The following TTN variants were observed in gnomAD, a reference collection of about 807,000 sequenced individuals.
The protein encoded by TTN is connectin.
TTN carries 1,525 observed loss-of-function variants against 3,223.0 expected under a neutral mutation model. That is an observed-to-expected ratio of 0.47 (90% CI 0.45 to 0.49). The LOEUF (loss-of-function observed/expected upper bound fraction) is 0.49. Among genes scored for constraint, TTN ranks in the 20% least tolerant of loss-of-function variants. TTN has a pLI of 0.00. For synonymous variants in TTN, 14,094 were observed against 15,161.0 expected, an observed-to-expected ratio of 0.93 and a Z score of 5.17; for missense variants, 40,786 against 43,424.0, an observed-to-expected ratio of 0.94 and a Z score of 5.40.
At chr2:178,675,495 C>T (rs961558235) in intron 149 of TTN, among the ~76,000 whole-genome samples, 176 bp downstream of exon 149, 1 of 151,686 alleles carries the variant, frequency 6.6e-6, no homozygotes, top group African/African-American at 2.4e-5. Context: ...ATGTAAAGCA[C>T]ACCAACACCA....
chr2:178,541,039 C>T, intron 350 of TTN: 1 of 344,808 alleles, frequency 2.9e-6, no homozygotes, highest in Non-Finnish European at 5.2e-6. Flanking sequence ...AAATTGACTC[C>T]AGAGAAGAAT....
Position 178,713,963 on chromosome 2 carries a change from C to A in TTN, c.26695G>T (p.Val8899Leu), listed in dbSNP as rs765131331. ...GGGTTCTGCACCTCAAAACTGTATA[C>A]CCCACTGTCACTCGGTGCTACATTG... Reference protein sequence around the residue: ...IINVAPSDSGVYSFEVQNPVG... With the variant: ...IINVAPSDSGLYSFEVQNPVG... The change falls in exon 92 of 363, where the codon GTA becomes TTA. Residue 8899 changes from valine (V) to leucine (L), a missense_variant. Val to Leu is a conservative substitution (Grantham distance 32, BLOSUM62 1). Coordinates refer to ENST00000589042, the MANE Select transcript of TTN (RefSeq NM_001267550.2). 9 of 1,613,546 alleles carry A rather than the reference C, an allele frequency of 5.6e-6. No individual in the cohort carries two copies. Among genetic ancestry groups the A allele is most frequent in the Admixed American group, 1.7e-5 (1 of 59,968 alleles).
At position 178,695,870 on chromosome 2, in the gene TTN, T is replaced by C. The variant is rs1212278171; in HGVS notation, c.31202A>G (p.Tyr10401Cys). Residue 10401 changes from tyrosine (Y) to cysteine (C), a missense_variant, in exon 114 of 363, where the codon TAT becomes TGT. Tyr to Cys is a radical substitution (Grantham distance 194). Transcript: ENST00000589042. Reference sequence around the variant, plus strand: ...GTCATTCAGTTTATACATACCTTCATAGACCTCCTTTTGAACTTGAATTAC... The same window carrying C: ...GTCATTCAGTTTATACATACCTTCACAGACCTCCTTTTGAACTTGAATTAC... ...REVIQVQKEVYEESHERKVPA... is the reference protein window; with the variant it reads ...REVIQVQKEVCEESHERKVPA... 2.3e-5 allele frequency: 34 copies of C among 1,453,468 alleles called. No homozygotes were observed. The highest frequency in any genetic ancestry group is 3.0e-5 in the Non-Finnish European group (33 of 1,103,600). 90.0% of individuals were successfully genotyped at this position (1,453,468 alleles called of 1,614,324 possible). A position where few individuals can be genotyped will look rare whatever the true frequency, so the allele number is the denominator to read the frequency against.
chr2:178,642,960 C>A (rs1192449228), intron 218 of TTN, among the ~76,000 whole-genome samples: 1 of 151,924 alleles, frequency 6.6e-6, no homozygotes, highest in Non-Finnish European at 1.5e-5. Context: ...TAAATTCATT[C>A]AAATTAAGGA....
chr2:178,715,488 C>G lies in TTN; in HGVS notation c.25921+5G>C, dbSNP rs747030426. 1 of 1,607,716 alleles carries G rather than the reference C, an allele frequency of 6.2e-7. No homozygotes were observed. Among genetic ancestry groups the G allele is most frequent in the Non-Finnish European group, 8.5e-7 (1 of 1,175,380 alleles). ...GAAAAACACACAGGTGGGGAGAGCGCTGACCTTTAACTTTTAAGGATGTGC... is the reference window on the plus strand; with the variant it reads ...GAAAAACACACAGGTGGGGAGAGCGGTGACCTTTAACTTTTAAGGATGTGC... On this transcript the variant is annotated splice_donor_5th_base_variant and intron_variant, in intron 89 of 362. Coordinates refer to ENST00000589042, the MANE Select transcript of TTN (RefSeq NM_001267550.2).
chr2:178,804,579 T>C lies in TTN; in HGVS notation c.64A>G (p.Thr22Ala), dbSNP rs1305775594. Residue 22 changes from threonine (T) to alanine (A), a missense_variant, in exon 2 of 363, where the codon ACC (threonine) becomes GCC (alanine). Transcript: ENST00000589042. ...LQSVVVLEGS[T>A]ATFEAHISGF... ...CTAATGTGAGCCTCAAAGGTTGCGGTACTACCCTCCAGTACCACAACGCTT... is the reference window on the plus strand; with the variant it reads ...CTAATGTGAGCCTCAAAGGTTGCGGCACTACCCTCCAGTACCACAACGCTT... 1 of 1,614,012 alleles carries C rather than the reference T, an allele frequency of 6.2e-7. No individual in the cohort carries two copies. Among genetic ancestry groups the C allele is most frequent in the East Asian group, 2.2e-5 (1 of 44,860 alleles).
chr2:178,732,853 A>G lies in TTN; in HGVS notation c.16323T>C (p.Ser5441=), dbSNP rs1314393783. Reference sequence around the variant, plus strand: ...GCCAACCTTGCACAATCAGGGCTCCACTGCTGTCTTTGCTTCCCACGGAAT... The same window carrying G: ...GCCAACCTTGCACAATCAGGGCTCCGCTGCTGTCTTTGCTTCCCACGGAAT... ...ATNSVGSKDS[S]GALIVQEPPS... Residue 5441 remains serine (S), a synonymous_variant, in exon 55 of 363, where the codon AGT becomes AGC. Transcript: ENST00000589042. 2 of 1,612,580 alleles carry G rather than the reference A, an allele frequency of 1.2e-6. No individual in the cohort carries two copies. Among genetic ancestry groups the G allele is most frequent in the East Asian group, 2.2e-5 (1 of 44,758 alleles).
At chr2:178,745,858 G>A (rs1450077834) in intron 47 of TTN, 5 of 1,612,880 alleles carry the variant, frequency 3.1e-6, no homozygotes, top group Non-Finnish European at 4.2e-6. Context: ...TGATAAACCT[G>A]GGAGGCCCTT....
Position 178,731,151 on chromosome 2 carries a change from G to T in TTN, c.17514C>A (p.Asp5838Glu). Reference protein sequence around the residue: ...EAVSIDVTQGDPATLQVKFSG... With the variant: ...EAVSIDVTQGEPATLQVKFSG... ...AAAATTTAACCTGCAAAGTGGCTGG[G>T]TCTCCTTGGGTGACATCTATAGACA... The change falls in exon 60 of 363, where the codon GAC (aspartate) becomes GAA (glutamate). Residue 5838 changes from aspartate (D) to glutamate (E), a missense_variant. Coordinates refer to ENST00000589042, the MANE Select transcript of TTN (RefSeq NM_001267550.2). 6.2e-7 allele frequency: 1 copy of T among 1,613,618 alleles called. No homozygotes were observed. The highest frequency in any genetic ancestry group is 8.5e-7 in the Non-Finnish European group (1 of 1,179,704).
At chr2:178,701,760 G>C (rs2075045630) in intron 109 of TTN, among the ~76,000 whole-genome samples, 173 bp from the exon 110 acceptor site, 1 of 152,164 alleles carries the variant, frequency 6.6e-6, no homozygotes, top group African/African-American at 2.4e-5. Flanking sequence ...ACGCAGGTAA[G>C]TTTTGTTCAC....
rs886038717 is a variant in TTN at position 178,580,326 on chromosome 2, C to A, written c.67053G>T (p.Val22351=). The A allele has an allele frequency of 6.2e-7, 1 of 1,611,962 alleles. No individual in the cohort carries two copies. The change falls in exon 317 of 363, where the codon GTG becomes GTT. Residue 22351 remains valine (V), a synonymous_variant. Transcript: ENST00000589042. The stretch of plus-strand genomic sequence containing the variant: ...TCTTTTTTGAAATAGACTTACCAAG[C>A]ACTTTCACAACAATGGTATATTCCT... ...GKKEYTIVVK[V]LDTPGPPVNV...
chr2:178,712,840 C>T lies in TTN; in HGVS notation c.27185G>A (p.Gly9062Asp), dbSNP rs2076863963. The change falls in exon 94 of 363, where the codon GGT becomes GAT. Residue 9062 changes from glycine to aspartate, a missense_variant. Coordinates refer to ENST00000589042, the MANE Select transcript of TTN (RefSeq NM_001267550.2). ...CTCCAAAGACACGTTGCATCTGTCA[C>T]CTGGTACTAGTTCACTGCTACCTTT... ...WFKGSSELVP[G>D]DRCNVSLEDS... is the part of the protein sequence containing the mutation. The T allele has an allele frequency of 6.2e-7, 1 of 1,613,682 alleles. No individual in the cohort carries two copies. Among genetic ancestry groups the T allele is most frequent in the African/African-American group, 1.3e-5 (1 of 74,918 alleles).
In TTN at chr2:178,776,310, C is replaced by T; in HGVS notation, c.5554G>A (p.Val1852Ile). 6.2e-7 allele frequency: 1 copy of T among 1,614,052 alleles called. No homozygotes were observed. The highest frequency in any genetic ancestry group is 8.5e-7 in the Non-Finnish European group (1 of 1,180,000). The change falls in exon 28 of 363, where the codon GTA (valine) becomes ATA (isoleucine). Residue 1852 changes from valine (V) to isoleucine (I), a missense_variant. Coordinates refer to ENST00000589042, the MANE Select transcript of TTN (RefSeq NM_001267550.2). Reference protein sequence around the residue: ...DIVLYPEPVRVLEGETARFRC... With the variant: ...DIVLYPEPVRILEGETARFRC... ...AACCTTGCAGTCTCCCCTTCAAGTA[C>T]TCTAACTGGCTCTGGGTACAAGACA...
intron 47 of TTN, chr2:178,745,570 C>G: frequency 8.7e-6 from 14 of 1,611,718 alleles, no homozygotes; most frequent in Non-Finnish European, 1.2e-5. Flanking sequence ...TACTGAGGCA[C>G]TAAAACATTA....
At position 178,567,128 on chromosome 2, in the gene TTN, G is replaced by A; in HGVS notation, c.79004C>T (p.Thr26335Ile). ...GGTCACAACTTCTGAAGCAACAACAGTCCAGGCAAGTCGACTGGTTTCTCG... is the reference window on the plus strand; with the variant it reads ...GGTCACAACTTCTGAAGCAACAACAATCCAGGCAAGTCGACTGGTTTCTCG... ...EKRETSRLAWTVVASEVVTNS... is the reference protein window; with the variant it reads ...EKRETSRLAWIVVASEVVTNS... The change falls in exon 326 of 363, where the codon ACT becomes ATT. Residue 26335 changes from threonine (T) to isoleucine (I), a missense_variant. Physicochemically the swap from Thr to Ile is moderately conservative, Grantham distance 89. Coordinates refer to ENST00000589042, the MANE Select transcript of TTN (RefSeq NM_001267550.2). 6.2e-7 allele frequency: 1 copy of A among 1,613,536 alleles called. No individual in the cohort carries two copies.
rs1412336107 is a variant in TTN, at chr2:178,645,963, AGCAGGTGGAGGAGGTGGG to A, written c.40347_40364del (p.Pro13452_Pro13457del). ...TCTCCTTCACATCTTCCTTAGGTGG[AGCAGGTGGAGGAGGTGGG>A]GGTCTTGGTTTGAGTTTTGGCTTCT... On this transcript the variant is annotated inframe_deletion, in exon 217 of 363. Transcript: ENST00000589042. 1.3e-6 allele frequency: 2 copies of A among 1,588,988 alleles called. No individual in the cohort carries two copies. Among genetic ancestry groups the A allele is most frequent in the Non-Finnish European group, 1.7e-6 (2 of 1,170,090 alleles).
Position 178,714,570 on chromosome 2 carries a change from G to C in TTN, c.26204C>G (p.Pro8735Arg). 6.3e-7 allele frequency: 1 copy of C among 1,588,676 alleles called. No homozygotes were observed. Among genetic ancestry groups the C allele is most frequent in the Non-Finnish European group, 8.6e-7 (1 of 1,166,778 alleles). Residue 8735 changes from proline (P) to arginine (R), a missense_variant, in exon 91 of 363, where the codon CCA becomes CGA. Physicochemically the swap from Pro to Arg is moderately radical, Grantham distance 103. Coordinates refer to ENST00000589042, the MANE Select transcript of TTN (RefSeq NM_001267550.2). ...TCVGSIALKA[P>R]PRFVKKLSDI... ...ACTGAGCTTCTTCACAAATCTTGGT[G>C]GTGCTGATGAAAAAGGAGGAAAGCC...
At position 178,624,565 on chromosome 2, in the gene TTN, C is replaced by T. The variant is rs1279690538; in HGVS notation, c.44715G>A (p.Arg14905=). ...SKKYEIVADG[R]VRKLVIHDCT... ...AGTCATGTATAACAAGTTTTCTGAC[C>T]CTGCCATCAGCAACAATTTCATACT... Residue 14905 remains arginine, a synonymous_variant, in exon 242 of 363, where the codon AGG becomes AGA. Transcript: ENST00000589042. The T allele has an allele frequency of 1.9e-6, 3 of 1,612,704 alleles. No individual in the cohort carries two copies. Among genetic ancestry groups the T allele is most frequent in the East Asian group, 2.2e-5 (1 of 44,702 alleles).
chr2:178,698,772 C>G, intron 112 of TTN, 71 bp downstream of exon 112: 2 of 1,397,422 alleles, frequency 1.4e-6, no homozygotes, highest in Admixed American at 2.3e-5. Context: ...CCTTCACCCT[C>G]CACTGTTTAG....
Sources: gnomAD v4.1 joint callset for allele counts (sites outside exome capture counted in the v4.1 genomes callset) on GRCh38, gnomAD v4.1.1 for gene constraint, MANE v1.5 for transcripts, NCBI Gene and HGNC (gene_info 2026-07-23, HGNC 2026-07-21) for gene names.